Variants in PPP2R2B observed in about 807,000 individuals in gnomAD.
The protein encoded by PPP2R2B is protein phosphatase 2 regulatory subunit Bbeta, also known as serine/threonine-protein phosphatase 2A 55 kDa regulatory subunit B beta isoform.
PPP2R2B carries 5 observed loss-of-function variants against 46.0 expected under a neutral mutation model. The observed-to-expected ratio is 0.11, with a 90% confidence interval of 0.06 to 0.23. The LOEUF (loss-of-function observed/expected upper bound fraction) is 0.23, where lower values mean the gene tolerates loss of function less well. Among genes scored for constraint, PPP2R2B ranks in the 10% least tolerant of loss-of-function variants. The pLI is 1.00. For synonymous variants in PPP2R2B, 215 were observed against 206.7 expected (o/e 1.04, Z -0.34); for missense variants, 367 against 575.0 (o/e 0.64, Z 3.70).
chr5:146,856,165 C>T (rs1019889947), intron 2 of PPP2R2B, among the ~76,000 whole-genome samples: 2 of 152,194 alleles, frequency 1.3e-5, no homozygotes, highest in African/African-American at 2.4e-5. Flanking sequence ...ATTCAACAAA[C>T]CTAACATCAA....
At chr5:146,731,780 T>C (rs904546028) in intron 2 of PPP2R2B, among the ~76,000 whole-genome samples, 3 of 152,158 alleles carry the variant, frequency 2.0e-5, no homozygotes, top group Non-Finnish European at 4.4e-5. Flanking sequence ...TCAATAAGTT[T>C]TAGGAAAACA....
chr5:147,030,402 T>C lies in PPP2R2B; in HGVS notation c.79+25263A>G, dbSNP rs373880872. ...CCTATAAGTACTTTCATATTTTCTA[T>C]GAAAATATCCCATTAAAAAGTTCCC... On this transcript the variant is annotated intron_variant, in intron 1 of 8. Coordinates refer to the PPP2R2B transcript ENST00000336640. Among the ~76,000 whole-genome samples, 24 of 152,310 alleles carry C rather than the reference T, an allele frequency of 1.6e-4. 1 individual carries two copies. The highest frequency in any genetic ancestry group is 1.3e-3 in the East Asian group (7 of 5,188).
intron 7 of PPP2R2B, among the ~76,000 whole-genome samples, chr5:146,616,418 G>A (rs1246160426): frequency 6.6e-6 from 1 of 152,054 alleles, no homozygotes; most frequent in Non-Finnish European, 1.5e-5. Flanking sequence ...CACAGCAAAG[G>A]AAACAGTCAA....
chr5:146,891,213 CA>C (rs1762482362), intron 1 of PPP2R2B, among the ~76,000 whole-genome samples: 1 of 152,172 alleles, frequency 6.6e-6, no homozygotes, highest in Non-Finnish European at 1.5e-5. Flanking sequence ...TACTTGAGGT[CA>C]AATCTTTACT....
chr5:146,921,320 C>T (rs778451776), intron 1 of PPP2R2B, among the ~76,000 whole-genome samples: 4 of 152,166 alleles, frequency 2.6e-5, no homozygotes, highest in Admixed American at 6.5e-5. Flanking sequence ...TTATCAAATG[C>T]CTTTGGGAGT....
chr5:146,712,594 A>C (rs1780273920), intron 2 of PPP2R2B, among the ~76,000 whole-genome samples: 1 of 152,222 alleles, frequency 6.6e-6, no homozygotes, highest in Non-Finnish European at 1.5e-5. Context: ...AAAAGTCAGG[A>C]AAGATTTAAT....
At chr5:146,639,436 G>A (rs2151080137) in intron 6 of PPP2R2B, among the ~76,000 whole-genome samples, 1 of 152,162 alleles carries the variant, frequency 6.6e-6, no homozygotes, top group Non-Finnish European at 1.5e-5. Flanking sequence ...ATTTATGAAG[G>A]TGACTCAATG....
intron 2 of PPP2R2B, among the ~76,000 whole-genome samples, chr5:146,845,315 T>G (rs11741457): frequency 1.6e-4 from 20 of 125,528 alleles, no homozygotes; most frequent in African/African-American, 4.9e-4. Context: ...CTTTTTTTTG[T>G]TTTTTTTTGA....
At chr5:146,823,244 C>T (rs1201346572) in intron 2 of PPP2R2B, among the ~76,000 whole-genome samples, 2 of 152,134 alleles carry the variant, frequency 1.3e-5, no homozygotes, top group Admixed American at 6.5e-5. Flanking sequence ...GTCGCCCAGG[C>T]TGGAGTGCAG....
intron 2 of PPP2R2B, chr5:146,706,445 C>T (rs867278015): frequency 9.4e-7 from 1 of 1,067,168 alleles, no homozygotes; most frequent in Non-Finnish European, 1.4e-6. Context: ...CATCTTCCAG[C>T]AGCTTCCTGT....
intron 2 of PPP2R2B, among the ~76,000 whole-genome samples, chr5:146,832,352 T>TACACAAG (rs1758994474): frequency 7.0e-6 from 1 of 142,174 alleles, no homozygotes; most frequent in South Asian, 2.5e-4. Context: ...GTAAGTGCCC[T>TACACAAG]ACACAAGTAA....
At chr5:147,072,301 T>C (rs1020860618) in intron 2 of PPP2R2B, among the ~76,000 whole-genome samples, 2 of 152,232 alleles carry the variant, frequency 1.3e-5, no homozygotes, top group Non-Finnish European at 2.9e-5. Context: ...AAAAGTCCTG[T>C]GTATCTGTAA....
chr5:146,797,045 T>A (rs995319593), intron 2 of PPP2R2B, among the ~76,000 whole-genome samples: 3 of 152,188 alleles, frequency 2.0e-5, no homozygotes, highest in Non-Finnish European at 2.9e-5. Context: ...GACCCTTTGT[T>A]AGCTCTCAAC....
At chr5:146,895,258 T>C (rs939495128) in intron 1 of PPP2R2B, among the ~76,000 whole-genome samples, 1 of 152,226 alleles carries the variant, frequency 6.6e-6, no homozygotes, top group Non-Finnish European at 1.5e-5. Flanking sequence ...ATTAGTCATC[T>C]TTTCAAGAGG....
At chr5:146,683,252 T>C (rs395726) in intron 5 of PPP2R2B, among the ~76,000 whole-genome samples, 18,898 of 152,224 alleles carry the variant, frequency 0.12, 1,878 homozygotes, top group African/African-American at 0.27. Flanking sequence ...TACAATCTCC[T>C]TGAAAAGTTG....
chr5:146,868,531 C>T (rs1250864857), intron 2 of PPP2R2B, among the ~76,000 whole-genome samples: 1 of 152,270 alleles, frequency 6.6e-6, no homozygotes, highest in South Asian at 2.1e-4. Context: ...TTCCCTCCCC[C>T]ATCTTCAACC....
At chr5:146,630,303 C>T (rs760060190) in intron 7 of PPP2R2B, among the ~76,000 whole-genome samples, 5 of 152,204 alleles carry the variant, frequency 3.3e-5, no homozygotes, top group African/African-American at 9.7e-5. Flanking sequence ...ACTTCCTGAC[C>T]CTGCTAATTT....
At chr5:146,740,491 G>T (rs1752801030) in intron 2 of PPP2R2B, among the ~76,000 whole-genome samples, 1 of 150,770 alleles carries the variant, frequency 6.6e-6, no homozygotes, top group South Asian at 2.1e-4. Context: ...GTTACCTCTG[G>T]AAGAAAAAGG....
intron 5 of PPP2R2B, among the ~76,000 whole-genome samples, chr5:146,652,134 T>TGTGTGG (rs1776009013): frequency 6.6e-6 from 1 of 152,276 alleles, no homozygotes; most frequent in East Asian, 1.9e-4. Flanking sequence ...AGATTAAGTG[T>TGTGTGG]GTGTGGCAGC....
Sources: allele counts gnomAD v4.1 joint callset (sites outside exome capture counted in the v4.1 genomes callset), GRCh38; gene constraint gnomAD v4.1.1; transcripts MANE v1.5; gene names NCBI Gene and HGNC (gene_info 2026-07-23, HGNC 2026-07-21).